Variants in ADCY2 observed in about 807,000 individuals in gnomAD.
ADCY2 encodes the protein adenylate cyclase type 2.
ADCY2 carries 31 observed loss-of-function variants against 125.2 expected under a neutral mutation model. That is an observed-to-expected ratio of 0.25 (90% CI 0.19 to 0.33). The LOEUF is 0.33. Among genes scored for constraint, ADCY2 ranks in the 10% least tolerant of loss-of-function variants. The pLI is 1.00. For missense variants in ADCY2, 904 were observed against 1,418.2 expected, an observed-to-expected ratio of 0.64 and a Z score of 5.82; for synonymous variants, 512 against 548.4, an observed-to-expected ratio of 0.93 and a Z score of 0.93.
intron 16 of ADCY2, among the ~76,000 whole-genome samples, chr5:7,764,276 C>T (rs1247694715): frequency 1.3e-5 from 2 of 152,192 alleles, no homozygotes; most frequent in African/African-American, 4.8e-5. Context: ...TTGAGAATCA[C>T]ATATGAGTGG....
chr5:7,449,219 T>C (rs1034424111), intron 2 of ADCY2, among the ~76,000 whole-genome samples: 3 of 152,242 alleles, frequency 2.0e-5, no homozygotes, highest in Non-Finnish European at 4.4e-5. Flanking sequence ...TGCATTTCTC[T>C]AATGACTGCT....
At chr5:7,659,032 A>T (rs1739438988) in intron 4 of ADCY2, among the ~76,000 whole-genome samples, 1 of 152,106 alleles carries the variant, frequency 6.6e-6, no homozygotes, top group Non-Finnish European at 1.5e-5. Flanking sequence ...TAACACGTAA[A>T]ATTTACCATC....
chr5:7,800,723 C>A (rs1336839111), intron 20 of ADCY2: 1 of 152,166 alleles, frequency 6.6e-6, no homozygotes, highest in Non-Finnish European at 1.5e-5. Flanking sequence ...AGCACAGGGA[C>A]ATCAGTGGAG....
At chr5:7,502,841 G>A (rs550636024) in intron 2 of ADCY2, among the ~76,000 whole-genome samples, 264 of 152,216 alleles carry the variant, frequency 1.7e-3, no homozygotes, top group Non-Finnish European at 2.9e-3. Flanking sequence ...GAGCAAAATC[G>A]TTTCATGTGA....
intron 2 of ADCY2, among the ~76,000 whole-genome samples, chr5:7,476,783 C>T (rs2126465562): frequency 6.6e-6 from 1 of 152,306 alleles, no homozygotes; most frequent in South Asian, 2.1e-4. Flanking sequence ...TTCCACTGCT[C>T]ACATTATTCT....
intron 3 of ADCY2, among the ~76,000 whole-genome samples, chr5:7,613,037 A>T (rs1019367701): frequency 1.9e-4 from 29 of 152,098 alleles, no homozygotes; most frequent in Non-Finnish European, 3.4e-4. Flanking sequence ...GACTCAAAAA[A>T]ATATATATAT....
chr5:7,471,974 T>C (rs1742355730), intron 2 of ADCY2, among the ~76,000 whole-genome samples: 1 of 152,118 alleles, frequency 6.6e-6, no homozygotes, highest in African/African-American at 2.4e-5. Flanking sequence ...TTGTTGTCTT[T>C]TTTGGTTTTG....
intron 2 of ADCY2, among the ~76,000 whole-genome samples, chr5:7,513,106 C>CACACACACACACACACACAGAGAG (rs777343291): frequency 7.2e-6 from 1 of 138,432 alleles, no homozygotes; most frequent in Non-Finnish European, 1.6e-5. Flanking sequence ...CACACACACA[C>CACACACACACACACACACAGAGAG]AGAGAGAGAG....
chr5:7,795,806 A>G (rs186648949), intron 20 of ADCY2: 2 of 152,318 alleles, frequency 1.3e-5, no homozygotes, highest in East Asian at 3.9e-4. Flanking sequence ...TTCCCAGCAC[A>G]TGTGAAGATT....
chr5:7,761,605 T>G (rs1743217541), intron 16 of ADCY2, among the ~76,000 whole-genome samples: 1 of 152,116 alleles, frequency 6.6e-6, no homozygotes. Flanking sequence ...AAAGAATGAG[T>G]GAATGAATAG....
chr5:7,515,755 A>G (rs1298035343), intron 2 of ADCY2, among the ~76,000 whole-genome samples: 1 of 152,172 alleles, frequency 6.6e-6, no homozygotes, highest in Non-Finnish European at 1.5e-5. Flanking sequence ...TGAGGCATCT[A>G]CCATATGTGA....
intron 22 of ADCY2, among the ~76,000 whole-genome samples, chr5:7,807,694 G>A (rs916475438): frequency 1.3e-5 from 2 of 152,210 alleles, no homozygotes; most frequent in South Asian, 4.1e-4. Flanking sequence ...GCCAGACTTG[G>A]ATCACTTCCA....
chr5:7,539,126 G>C (rs2126557755), intron 3 of ADCY2, among the ~76,000 whole-genome samples: 1 of 152,116 alleles, frequency 6.6e-6, no homozygotes, highest in African/African-American at 2.4e-5. Flanking sequence ...GTCTCCCAAA[G>C]TGCTGGGATG....
In ADCY2 at chr5:7,396,567, C is replaced by A; in HGVS notation, c.210+61C>A. The A allele has an allele frequency of 7.0e-7, 1 of 1,433,010 alleles. No individual in the cohort carries two copies. The highest frequency in any genetic ancestry group is 9.2e-7 in the Non-Finnish European group (1 of 1,084,698). The allele number at this position is 1,433,010 out of a possible 1,614,324, so 88.8% of individuals were successfully genotyped here. ...TCCCCGGCCCTGAGAGGAGCCCGGC[C>A]AGCCGAGCCGCGTCCCGCTCCGGGC... is the stretch of plus-strand genomic sequence containing the variant. On this transcript the variant is annotated intron_variant, in intron 1 of 24. Coordinates refer to ENST00000338316, the MANE Select transcript of ADCY2 (RefSeq NM_020546.3). The surrounding 1 kb of genome is among the most constrained non-coding windows in gnomAD (Gnocchi z 5.7).
At chr5:7,804,828 T>C (rs1338465031) in intron 22 of ADCY2, 136 bp downstream of exon 22, 2 of 640,124 alleles carry the variant, frequency 3.1e-6, no homozygotes, top group African/African-American at 3.7e-5. Context: ...CAAGGTCCTA[T>C]GAGAGAAGAT....
chr5:7,444,538 T>G (rs1741158815), intron 2 of ADCY2, among the ~76,000 whole-genome samples: 1 of 152,186 alleles, frequency 6.6e-6, no homozygotes, highest in African/African-American at 2.4e-5. Context: ...TTATCTTAAT[T>G]CATTAATCAT....
intron 16 of ADCY2, among the ~76,000 whole-genome samples, chr5:7,760,527 C>G (rs1016520226): frequency 1.3e-5 from 2 of 152,206 alleles, no homozygotes; most frequent in East Asian, 3.8e-4. Flanking sequence ...ATTGAGCACA[C>G]TTCCTGAGAG....
Position 7,718,145 on chromosome 5 carries a change from ATTTTT to A in ADCY2, c.1703+925_1703+929del, listed in dbSNP as rs59353850. 8.6e-3 allele frequency among the ~76,000 whole-genome samples: 996 copies of A among 115,400 alleles called. 5 individuals carry two copies. Among genetic ancestry groups the A allele is most frequent in the Non-Finnish European group, 0.012 (713 of 58,572 alleles). 75.7% of individuals were successfully genotyped at this position (115,400 alleles called of 152,430 possible). ...TTTGCAAAATGCATGCCTGTTTTAG[ATTTTT>A]TTTTTTTTTTTTTTTTGAGACAGAG... On this transcript the variant is annotated intron_variant, in intron 12 of 24. Transcript: ENST00000338316.
At chr5:7,777,242 G>T (rs979482204) in intron 18 of ADCY2, among the ~76,000 whole-genome samples, 2 of 152,120 alleles carry the variant, frequency 1.3e-5, no homozygotes, top group Admixed American at 6.5e-5. Flanking sequence ...GGCTTCTGTT[G>T]CCTGTTAACC....
Sources: gnomAD v4.1 joint callset for allele counts (sites outside exome capture counted in the v4.1 genomes callset) on GRCh38, gnomAD v4.1.1 for gene constraint, Gnocchi (gnomAD v3.1) non-coding constraint, MANE v1.5 for transcripts, NCBI Gene and HGNC (gene_info 2026-07-23, HGNC 2026-07-21) for gene names.